Variants in WAPL observed in about 807,000 individuals in gnomAD.
WAPL encodes WAPL cohesin release factor, also known as wings apart-like protein homolog.
Under a neutral mutation model 121.0 loss-of-function variants are expected in WAPL, and 5 were observed. That is an observed-to-expected ratio of 0.04 (90% CI 0.02 to 0.09). The LOEUF (loss-of-function observed/expected upper bound fraction) is 0.09, where lower values mean the gene tolerates loss of function less well. Ranked by LOEUF, WAPL falls within the 10% of genes least tolerant of loss-of-function variation. The probability of loss-of-function intolerance (pLI) is 1.00; values close to 1 mark genes in which losing one functional copy is unlikely to be tolerated. For synonymous variants in WAPL, 480 were observed against 481.5 expected (o/e 1.00, Z 0.04); for missense variants, 999 against 1,410.8 (o/e 0.71, Z 4.68).
At chr10:86,517,120 C>T (rs1377667243) in intron 2 of WAPL, among the ~76,000 whole-genome samples, 4 of 152,104 alleles carry the variant, frequency 2.6e-5, no homozygotes, top group Non-Finnish European at 4.4e-5. Context: ...AAGTTCAATT[C>T]TTTAAATGTC....
intron 4 of WAPL, among the ~76,000 whole-genome samples, chr10:86,493,046 G>A (rs974152220): frequency 6.7e-6 from 1 of 149,902 alleles, no homozygotes; most frequent in Non-Finnish European, 1.5e-5. Context: ...GGGTGACAGA[G>A]TGAGACTCCG....
At chr10:86,463,879 C>T (rs77153783) in intron 9 of WAPL, among the ~76,000 whole-genome samples, 10,491 of 152,248 alleles carry the variant, frequency 0.069, 677 homozygotes, top group East Asian at 0.38. Flanking sequence ...GTGCTCAATA[C>T]AGTAACATGC....
At chr10:86,448,939 A>G (rs1840902755) in intron 15 of WAPL, among the ~76,000 whole-genome samples, 1 of 152,224 alleles carries the variant, frequency 6.6e-6, no homozygotes, top group South Asian at 2.1e-4. Flanking sequence ...TTATTTTGAT[A>G]TATGCATAAA....
chr10:86,515,076 A>G (rs1423182713), intron 2 of WAPL, among the ~76,000 whole-genome samples: 1 of 152,200 alleles, frequency 6.6e-6, no homozygotes, highest in South Asian at 2.1e-4. Context: ...CCGGGCCAAC[A>G]TGGTGAAACG....
At chr10:86,453,533 G>A in intron 13 of WAPL, 123 bp downstream of exon 13, 5 of 1,264,080 alleles carry the variant, frequency 4.0e-6, no homozygotes, top group Non-Finnish European at 4.3e-6. Context: ...CTACACATGA[G>A]TAAGTCAAGT....
intron 15 of WAPL, among the ~76,000 whole-genome samples, chr10:86,448,703 T>G (rs1316928027): frequency 6.6e-6 from 1 of 152,094 alleles, no homozygotes; most frequent in Non-Finnish European, 1.5e-5. Context: ...CAGCCTCAAC[T>G]TCCTGGGCTC....
At chr10:86,507,173 C>T (rs1842368240) in intron 2 of WAPL, among the ~76,000 whole-genome samples, 1 of 151,106 alleles carries the variant, frequency 6.6e-6, no homozygotes, top group African/African-American at 2.4e-5. Flanking sequence ...TCCAAGACCA[C>T]CCTGGCCAAT....
At chr10:86,458,608 A>T (rs1841203676) in intron 12 of WAPL, among the ~76,000 whole-genome samples, 1 of 152,100 alleles carries the variant, frequency 6.6e-6, no homozygotes, top group South Asian at 2.1e-4. Flanking sequence ...TTAAATTTAA[A>T]TTTTTTATAT....
rs553650011 is a variant in WAPL, at chr10:86,455,709, A to G, written c.2658-1878T>C. On this transcript the variant is annotated intron_variant, in intron 12 of 18. Transcript: ENST00000298767. ...AAAAAAAAAAAAAGAAAGAAAGAAA[A>G]AAAAAGAAAAAAAGAAAACAAATAA... Among the ~76,000 whole-genome samples the G allele has an allele frequency of 1.8e-4, 23 of 127,356 alleles. No homozygotes were observed. The South Asian group carries it at 4.7e-3, about 26-fold the overall frequency. The allele number at this position is 127,356 out of a possible 152,430, so 83.6% of individuals were successfully genotyped here. A position where few individuals can be genotyped will look rare whatever the true frequency, so the allele number is the denominator to read the frequency against.
At chr10:86,498,102 A>C (rs1465602123) in intron 3 of WAPL, among the ~76,000 whole-genome samples, 1 of 152,188 alleles carries the variant, frequency 6.6e-6, no homozygotes, top group Non-Finnish European at 1.5e-5. Flanking sequence ...AAGTTTCTCA[A>C]AGGGAGTCTA....
chr10:86,499,601 A>T, intron 3 of WAPL, 117 bp downstream of exon 3: 3 of 988,772 alleles, frequency 3.0e-6, no homozygotes, highest in Non-Finnish European at 4.4e-6. Context: ...ATCTTATTAT[A>T]CTGTACTCAC....
At position 86,451,979 on chromosome 10, in the gene WAPL, C is replaced by T; in HGVS notation, c.3102G>A (p.Gln1034=). Residue 1034 remains glutamine (Q), a synonymous_variant, in exon 15 of 19, where the codon CAG becomes CAA. Transcript: ENST00000298767. Reference sequence around the variant, plus strand: ...AGTGGTTGCTTACCTGCACTAAAGCCTGGACAGCATGAACTTGTCCACCTA... The same window carrying T: ...AGTGGTTGCTTACCTGCACTAAAGCTTGGACAGCATGAACTTGTCCACCTA... ...LRIGGQVHAV[Q]ALVQLFLERE... The T allele has an allele frequency of 6.2e-7, 1 of 1,614,096 alleles. No individual in the cohort carries two copies. The highest frequency in any genetic ancestry group is 1.1e-5 in the South Asian group (1 of 91,078).
chr10:86,448,980 T>C (rs1840903295), intron 15 of WAPL, among the ~76,000 whole-genome samples: 1 of 152,198 alleles, frequency 6.6e-6, no homozygotes, highest in African/African-American at 2.4e-5. Context: ...CACAAAACTA[T>C]TACAAATGGT....
intron 9 of WAPL, among the ~76,000 whole-genome samples, chr10:86,462,090 T>C (rs1315840592): frequency 6.6e-6 from 1 of 152,158 alleles, no homozygotes; most frequent in African/African-American, 2.4e-5. Flanking sequence ...CTGAGTAAAG[T>C]TTTTATTGCC....
At chr10:86,461,462 C>T (rs1036363866) in intron 9 of WAPL, among the ~76,000 whole-genome samples, 175 bp from the exon 10 acceptor site, 1 of 151,846 alleles carries the variant, frequency 6.6e-6, no homozygotes, top group Non-Finnish European at 1.5e-5. Context: ...AGTTTTTTAA[C>T]CAGCTTTTCA....
At chr10:86,495,142 A>G (rs1434553485) in intron 4 of WAPL, among the ~76,000 whole-genome samples, 5 of 152,224 alleles carry the variant, frequency 3.3e-5, no homozygotes, top group East Asian at 1.9e-4. Flanking sequence ...ACAAAACACT[A>G]TAACAAGCTA....
At chr10:86,464,029 T>C (rs775597549) in intron 9 of WAPL, among the ~76,000 whole-genome samples, 9 of 152,242 alleles carry the variant, frequency 5.9e-5, no homozygotes, top group Non-Finnish European at 1.2e-4. Context: ...TTTTAGAGCA[T>C]ATCTGTCATG....
chr10:86,455,020 TGGG>T (rs376667029), intron 12 of WAPL, among the ~76,000 whole-genome samples: 57,999 of 144,768 alleles, frequency 0.4, 11,479 homozygotes, highest in South Asian at 0.6. Context: ...GTCCGGGAGG[TGGG>T]GGGCAGCCCC....
intron 15 of WAPL, among the ~76,000 whole-genome samples, chr10:86,448,174 G>T (rs893365244): frequency 1.3e-5 from 2 of 152,016 alleles, no homozygotes; most frequent in Admixed American, 1.3e-4. Context: ...ATCAGTAGAG[G>T]TTTGGTTAAA....
Sources: allele counts gnomAD v4.1 joint callset (sites outside exome capture counted in the v4.1 genomes callset), GRCh38; gene constraint gnomAD v4.1.1; transcripts MANE v1.5; gene names NCBI Gene and HGNC (gene_info 2026-07-23, HGNC 2026-07-21).